The following COL4A5 variants were observed in gnomAD, a reference collection of about 807,000 sequenced individuals.
COL4A5 encodes the protein collagen alpha-5(IV) chain.
COL4A5 carries 26 observed loss-of-function variants against 130.2 expected under a neutral mutation model. The observed-to-expected ratio is 0.20, with a 90% CI of 0.15 to 0.28. The LOEUF (loss-of-function observed/expected upper bound fraction) is 0.28. Among genes scored for constraint, COL4A5 ranks in the 10% least tolerant of loss-of-function variants. The pLI is 1.00. For missense variants in COL4A5, 1,131 were observed against 1,344.3 expected (o/e 0.84, Z 2.48); for synonymous variants, 496 against 439.6 (o/e 1.13, Z -1.60).
intron 3 of COL4A5, among the ~76,000 whole-genome samples, chrX:108,559,573 A>G (rs763554271): frequency 3.6e-5 from 4 of 111,527 alleles, no homozygotes; most frequent in Non-Finnish European, 7.5e-5. Flanking sequence ...CCACTGTTCT[A>G]TTTGTCCCCA....
At chrX:108,483,142 A>G (rs1449095113) in intron 1 of COL4A5, among the ~76,000 whole-genome samples, 1 of 108,558 alleles carries the variant, frequency 9.2e-6, no homozygotes, top group East Asian at 2.9e-4. Context: ...CTCTAGAACC[A>G]CTCCTCGTAC....
intron 1 of COL4A5, among the ~76,000 whole-genome samples, chrX:108,522,108 G>A (rs997467956): frequency 9.9e-5 from 11 of 110,840 alleles, no homozygotes; most frequent in African/African-American, 3.6e-4. Context: ...ATGTTTTCAA[G>A]GTTCATCCAT....
At chrX:108,558,713 C>T (rs1399360869) in intron 2 of COL4A5, among the ~76,000 whole-genome samples, 16 of 111,151 alleles carry the variant, frequency 1.4e-4, no homozygotes, top group African/African-American at 4.9e-4. Flanking sequence ...TTACCCTTCC[C>T]TGCTCCATAC....
At chrX:108,540,175 A>G (rs1382106315) in intron 2 of COL4A5, among the ~76,000 whole-genome samples, 2 of 111,501 alleles carry the variant, frequency 1.8e-5, no homozygotes, top group African/African-American at 6.5e-5. Flanking sequence ...TCTGGCGACC[A>G]CAGAAGGGAC....
intron 52 of COL4A5, 118 bp from the exon 53 acceptor site, chrX:108,696,179 T>C: frequency 3.4e-6 from 2 of 595,125 alleles, no homozygotes; most frequent in Non-Finnish European, 5.8e-6. Context: ...AAGTAAACCA[T>C]TAAGTCACCA....
At chrX:108,644,793 A>C (rs2067540021) in intron 36 of COL4A5, among the ~76,000 whole-genome samples, 1 of 108,369 alleles carries the variant, frequency 9.2e-6, no homozygotes, top group Admixed American at 1.0e-4. Context: ...CCAGCTACTC[A>C]GGAGGCCAAG....
chrX:108,474,812 T>G (rs2064816291), intron 1 of COL4A5, among the ~76,000 whole-genome samples: 1 of 111,702 alleles, frequency 9.0e-6, no homozygotes, highest in Non-Finnish European at 1.9e-5. Context: ...TTCTTCTTTA[T>G]GTGGATATCC....
At chrX:108,505,550 A>T (rs2065116623) in intron 1 of COL4A5, among the ~76,000 whole-genome samples, 2 of 111,414 alleles carry the variant, frequency 1.8e-5, no homozygotes, top group South Asian at 7.6e-4. Flanking sequence ...AAATGAGGTC[A>T]TAAAGGTGGA....
At chrX:108,534,243 C>A in intron 1 of COL4A5, among the ~76,000 whole-genome samples, 1 of 111,112 alleles carries the variant, frequency 9.0e-6, no homozygotes, top group East Asian at 2.8e-4. Context: ...AGGTATCTAT[C>A]CAAAGGTAAA....
chrX:108,596,249 G>C (rs2066514480), intron 22 of COL4A5, among the ~76,000 whole-genome samples: 1 of 111,994 alleles, frequency 8.9e-6, no homozygotes, highest in African/African-American at 3.3e-5. Flanking sequence ...AATTCATTTG[G>C]AGGTTGGGAA....
At chrX:108,509,924 G>A (rs2065164284) in intron 1 of COL4A5, among the ~76,000 whole-genome samples, 3 of 112,513 alleles carry the variant, frequency 2.7e-5, no homozygotes, top group Admixed American at 1.9e-4. Flanking sequence ...ATCAGTGACA[G>A]ATTACATAAA....
At chrX:108,691,606 G>T (rs1241931071) in intron 49 of COL4A5, among the ~76,000 whole-genome samples, 1 of 110,812 alleles carries the variant, frequency 9.0e-6, no homozygotes, top group Admixed American at 9.6e-5. Context: ...TTTTAAAAAG[G>T]TATATTCAAT....
chrX:108,681,716 T>C, intron 46 of COL4A5, 44 bp from the exon 47 acceptor site: 1 of 1,208,358 alleles, frequency 8.3e-7, no homozygotes, highest in Non-Finnish European at 1.1e-6. Context: ...CCATTTCTTG[T>C]AACCTTTCTC....
intron 32 of COL4A5, 23 bp downstream of exon 32, chrX:108,621,915 A>G: frequency 9.2e-7 from 1 of 1,083,499 alleles, no homozygotes; most frequent in Non-Finnish European, 1.3e-6. Context: ...GTTTGCTGCC[A>G]GACGTATGTG....
chrX:108,687,706 A>G lies in COL4A5; in HGVS notation c.4528+12A>G. On this transcript the variant is annotated intron_variant, in intron 49 of 52. Transcript: ENST00000328300. The stretch of plus-strand genomic sequence containing the variant: ...CGGTCAAGACTTGGGTGAGATAATC[A>G]ATATCTAATTTCCTACTGTGCCTTT... 2 of 1,191,570 alleles carry G rather than the reference A, an allele frequency of 1.7e-6. No individual in the cohort carries two copies.
intron 1 of COL4A5, among the ~76,000 whole-genome samples, chrX:108,527,510 G>C (rs1335187506): frequency 8.9e-6 from 1 of 112,042 alleles, no homozygotes; most frequent in Non-Finnish European, 1.9e-5. Flanking sequence ...GTATGAAAGA[G>C]ATGCATGTTG....
At chrX:108,586,849 C>A in intron 19 of COL4A5, 102 bp downstream of exon 19, 2 of 901,906 alleles carry the variant, frequency 2.2e-6, no homozygotes, top group Non-Finnish European at 3.2e-6. Context: ...AAGTAGGAGA[C>A]ACAAGTCCTT....
At chrX:108,670,271 A>C (rs776804069) in intron 42 of COL4A5, 35 bp downstream of exon 42, 2 of 1,207,561 alleles carry the variant, frequency 1.7e-6, no homozygotes, top group Admixed American at 4.4e-5. Flanking sequence ...TAACTGCATG[A>C]AGTTTGAAAC....
At chrX:108,632,396 G>C in intron 36 of COL4A5, among the ~76,000 whole-genome samples, 1 of 111,102 alleles carries the variant, frequency 9.0e-6, no homozygotes, top group Non-Finnish European at 1.9e-5. Context: ...AATTCTACCA[G>C]AGATACAAAG....
Sources: allele counts gnomAD v4.1 joint callset (sites outside exome capture counted in the v4.1 genomes callset), GRCh38; gene constraint gnomAD v4.1.1; transcripts MANE v1.5; gene names NCBI Gene and HGNC (gene_info 2026-07-23, HGNC 2026-07-21).